RALGPS2: variants seen among roughly 807,000 people sequenced by gnomAD.
The protein encoded by RALGPS2 is ras-specific guanine nucleotide-releasing factor RalGPS2.
Under a neutral mutation model 86.8 loss-of-function variants are expected in RALGPS2, and 43 were observed. That is an observed-to-expected ratio of 0.50 (90% CI 0.39 to 0.64). The LOEUF (loss-of-function observed/expected upper bound fraction) is 0.64, where lower values mean the gene tolerates loss of function less well. Among genes scored for constraint, RALGPS2 ranks in the 30% least tolerant of loss-of-function variants. The pLI is 0.00. For synonymous variants in RALGPS2, 243 were observed against 231.3 expected, an observed-to-expected ratio of 1.05 and a Z score of -0.46; for missense variants, 536 against 694.6, an observed-to-expected ratio of 0.77 and a Z score of 2.57.
intron 1 of RALGPS2, among the ~76,000 whole-genome samples, chr1:178,739,433 G>T (rs1189614920): frequency 6.6e-6 from 1 of 152,162 alleles, no homozygotes; most frequent in African/African-American, 2.4e-5. Context: ...AGAAGAAGAG[G>T]CTCAGTGAGG....
rs1659839865 is a variant in RALGPS2 at position 178,894,177 on chromosome 1, T to C, written c.1431+153T>C. 7 of 514,010 alleles carry C rather than the reference T, an allele frequency of 1.4e-5. No homozygotes were observed. The South Asian group carries it at 2.2e-4, about 16-fold the overall frequency. 31.8% of individuals were successfully genotyped at this position (514,010 alleles called of 1,614,324 possible). ...GTCCTCCCCTCTTATCCTTGGGTCA[T>C]CCATTCCAAGATCCCCCGGGGATGA... is the stretch of plus-strand genomic sequence containing the variant. On this transcript the variant is annotated intron_variant, in intron 16 of 19. Coordinates refer to ENST00000367635, the MANE Select transcript of RALGPS2 (RefSeq NM_152663.5).
intron 17 of RALGPS2, among the ~76,000 whole-genome samples, chr1:178,900,450 A>G (rs1239615511): frequency 6.6e-6 from 1 of 151,978 alleles, no homozygotes; most frequent in African/African-American, 2.4e-5. Context: ...ACTGTCATCC[A>G]TGGCTGGTAA....
At chr1:178,780,988 T>G (rs548518726) in intron 2 of RALGPS2, among the ~76,000 whole-genome samples, 35 of 151,984 alleles carry the variant, frequency 2.3e-4, no homozygotes, top group Non-Finnish European at 5.2e-4. Context: ...CTTTGTATAT[T>G]TATAACCATA....
intron 2 of RALGPS2, among the ~76,000 whole-genome samples, chr1:178,778,942 A>T (rs958457930): frequency 1.2e-4 from 18 of 152,242 alleles, no homozygotes; most frequent in African/African-American, 4.1e-4. Flanking sequence ...TACTTGAAAA[A>T]TAATGACAAA....
At chr1:178,807,967 T>C (rs2102192968) in intron 4 of RALGPS2, 78 bp from the exon 5 acceptor site, 1 of 862,260 alleles carries the variant, frequency 1.2e-6, no homozygotes, top group East Asian at 2.5e-5. Context: ...CAAACTGTCT[T>C]TAATGTTTTG....
chr1:178,905,963 C>T (rs1331468169), intron 18 of RALGPS2, among the ~76,000 whole-genome samples: 1 of 152,186 alleles, frequency 6.6e-6, no homozygotes, highest in Non-Finnish European at 1.5e-5. Context: ...TAACTAAAGA[C>T]TAAAAGCATA....
chr1:178,894,810 G>A (rs1412852533), intron 16 of RALGPS2, among the ~76,000 whole-genome samples: 1 of 151,870 alleles, frequency 6.6e-6, no homozygotes, highest in Non-Finnish European at 1.5e-5. Context: ...TGTGTTAAGG[G>A]TGCTTAAATC....
At chr1:178,886,205 C>A in intron 13 of RALGPS2, 85 bp downstream of exon 13, 2 of 1,383,228 alleles carry the variant, frequency 1.4e-6, no homozygotes, top group Non-Finnish European at 2.0e-6. Flanking sequence ...ACCCCACCCA[C>A]ACACAGAGAA....
intron 14 of RALGPS2, among the ~76,000 whole-genome samples, chr1:178,890,367 C>G (rs527250635): frequency 3.9e-5 from 6 of 151,940 alleles, no homozygotes; most frequent in Admixed American, 6.6e-5. Context: ...TATGTTTTCA[C>G]TGACCATTTC....
At chr1:178,767,947 G>A (rs1652595373) in intron 1 of RALGPS2, among the ~76,000 whole-genome samples, 1 of 152,142 alleles carries the variant, frequency 6.6e-6, no homozygotes, top group Non-Finnish European at 1.5e-5. Context: ...ACAACTATAG[G>A]CCAGAAGCTG....
intron 8 of RALGPS2, among the ~76,000 whole-genome samples, chr1:178,872,924 T>C (rs1353024533): frequency 6.6e-6 from 1 of 152,150 alleles, no homozygotes; most frequent in Non-Finnish European, 1.5e-5. Context: ...GCTATGGAAC[T>C]AAGATACTAG....
chr1:178,898,562 T>C (rs145624695), intron 17 of RALGPS2, among the ~76,000 whole-genome samples: 247 of 152,108 alleles, frequency 1.6e-3, no homozygotes, highest in African/African-American at 5.5e-3. Flanking sequence ...TACCGTAAGA[T>C]AGCATTGCCT....
At chr1:178,878,614 G>C (rs1198635684) in intron 9 of RALGPS2, among the ~76,000 whole-genome samples, 1 of 152,056 alleles carries the variant, frequency 6.6e-6, no homozygotes, top group Non-Finnish European at 1.5e-5. Context: ...CTTCTGTTTA[G>C]TTTAGAATAG....
chr1:178,826,618 T>G (rs1655753168), intron 7 of RALGPS2, among the ~76,000 whole-genome samples: 1 of 152,194 alleles, frequency 6.6e-6, no homozygotes, highest in African/African-American at 2.4e-5. Context: ...GATGAAAAAC[T>G]TTTGGATATG....
intron 8 of RALGPS2, among the ~76,000 whole-genome samples, chr1:178,867,127 C>T (rs1264194616): frequency 2.6e-5 from 4 of 152,070 alleles, no homozygotes; most frequent in Non-Finnish European, 5.9e-5. Context: ...GAAACCAGCT[C>T]CTAAGTTGTT....
intron 8 of RALGPS2, among the ~76,000 whole-genome samples, chr1:178,854,331 A>G (rs930199907): frequency 7.9e-5 from 12 of 152,196 alleles, no homozygotes; most frequent in Admixed American, 4.6e-4. Flanking sequence ...TCAGTGGAAC[A>G]TACTAGTACC....
At chr1:178,909,004 C>T (rs1372155394) in intron 19 of RALGPS2, among the ~76,000 whole-genome samples, 2 of 152,046 alleles carry the variant, frequency 1.3e-5, no homozygotes, top group Non-Finnish European at 2.9e-5. Flanking sequence ...ATGGTATATC[C>T]TAGGTTATCT....
chr1:178,807,182 C>T (rs1455366986), intron 4 of RALGPS2, among the ~76,000 whole-genome samples: 3 of 152,014 alleles, frequency 2.0e-5, no homozygotes, highest in Non-Finnish European at 4.4e-5. Flanking sequence ...AAAATACAAA[C>T]AAAATTAGCC....
chr1:178,911,594 A>G (rs755845218), intron 19 of RALGPS2, among the ~76,000 whole-genome samples: 3 of 152,026 alleles, frequency 2.0e-5, no homozygotes, highest in Non-Finnish European at 2.9e-5. Context: ...TATGATTTCA[A>G]TTTTTTTGAA....
Sources: allele counts gnomAD v4.1 joint callset (sites outside exome capture counted in the v4.1 genomes callset), GRCh38; gene constraint gnomAD v4.1.1; transcripts MANE v1.5; gene names NCBI Gene and HGNC (gene_info 2026-07-23, HGNC 2026-07-21).